TRPM1: variants seen among roughly 807,000 people sequenced by gnomAD.
The protein encoded by TRPM1 is TRPM1-203 APA Isoform, Intron 10.
In TRPM1, 113 loss-of-function variants were observed where a neutral mutation model predicts 149.4. The ratio of observed to expected loss-of-function variants is 0.76; its 90% confidence interval spans 0.65 to 0.88. The LOEUF (loss-of-function observed/expected upper bound fraction) is 0.88, where lower values mean the gene tolerates loss of function less well. Among genes scored for constraint, TRPM1 ranks in the 40% least tolerant of loss-of-function variants. The pLI is 0.00. For synonymous variants in TRPM1, 741 were observed against 759.5 expected, an observed-to-expected ratio of 0.98 and a Z score of 0.40; for missense variants, 1,976 against 2,038.7, an observed-to-expected ratio of 0.97 and a Z score of 0.59.
Position 31,061,475 on chromosome 15 carries a change from T to C in TRPM1, c.1129A>G (p.Ile377Val), listed in dbSNP as rs1301475203. Residue 377 changes from isoleucine to valine, a missense_variant, in exon 10 of 28, where the codon ATC (isoleucine) becomes GTC (valine). Physicochemically the swap from Ile to Val is conservative, Grantham distance 29. Transcript: ENST00000256552. ...FRMGSEGQQD[I>V]EMAILTALLK... ...AGGGCAGTTAAAATTGCCATCTCGA[T>C]GTCCTGCTGGCCCTCAGAACCCATT... The C allele has an allele frequency of 1.2e-6, 2 of 1,614,192 alleles. No homozygotes were observed. The highest frequency in any genetic ancestry group is 1.7e-6 in the Non-Finnish European group (2 of 1,180,040).
intron 27 of TRPM1, among the ~76,000 whole-genome samples, chr15:31,006,223 A>C (rs1188840550): frequency 6.6e-6 from 1 of 151,856 alleles, no homozygotes; most frequent in Non-Finnish European, 1.5e-5. Flanking sequence ...TGTTGCCCAG[A>C]CTAGAGTACA....
At chr15:31,125,260 GTT>G (rs2035932706) in intron 1 of TRPM1, among the ~76,000 whole-genome samples, 1 of 152,192 alleles carries the variant, frequency 6.6e-6, no homozygotes, top group Non-Finnish European at 1.5e-5. Context: ...CTGGGCTTCA[GTT>G]AATAGTAATG....
At chr15:31,018,001 CAGTTGTTAAA>C (rs2032429425) in intron 27 of TRPM1, among the ~76,000 whole-genome samples, 1 of 152,080 alleles carries the variant, frequency 6.6e-6, no homozygotes, top group Admixed American at 6.6e-5. Flanking sequence ...TGTAGTAAGC[CAGTTGTTAAA>C]ACCTGTTTTA....
At chr15:31,070,689 G>A (rs1287988485) in intron 3 of TRPM1, among the ~76,000 whole-genome samples, 1 of 151,842 alleles carries the variant, frequency 6.6e-6, no homozygotes, top group Non-Finnish European at 1.5e-5. Flanking sequence ...CTAGTAACTG[G>A]GACCACAGGC....
chr15:31,130,194 A>C (rs1266677858), intron 1 of TRPM1, among the ~76,000 whole-genome samples: 1 of 152,190 alleles, frequency 6.6e-6, no homozygotes, highest in Non-Finnish European at 1.5e-5. Context: ...CCAGTGTCTT[A>C]CCTGGCATCT....
chr15:31,072,775 A>G (rs1190394643), intron 3 of TRPM1, among the ~76,000 whole-genome samples: 1 of 152,142 alleles, frequency 6.6e-6, no homozygotes, highest in Non-Finnish European at 1.5e-5. Context: ...GAATAAGGAC[A>G]TTGAGCATTT....
At chr15:31,113,247 A>AG (rs1250443532) in intron 1 of TRPM1, among the ~76,000 whole-genome samples, 1 of 152,120 alleles carries the variant, frequency 6.6e-6, no homozygotes, top group African/African-American at 2.4e-5. Flanking sequence ...CAAGAAAGGG[A>AG]GGGCTCCACA....
intron 1 of TRPM1, among the ~76,000 whole-genome samples, chr15:31,150,104 C>G (rs2036280021): frequency 6.6e-6 from 1 of 152,182 alleles, no homozygotes; most frequent in African/African-American, 2.4e-5. Flanking sequence ...GCCCGCAGCC[C>G]TAAGTGTTCT....
At chr15:31,048,102 A>C (rs2033833093) in intron 13 of TRPM1, among the ~76,000 whole-genome samples, 163 bp from the exon 14 acceptor site, 1 of 152,122 alleles carries the variant, frequency 6.6e-6, no homozygotes, top group East Asian at 1.9e-4. Context: ...ATCTCTACTA[A>C]AAATACAAAA....
At chr15:31,152,272 A>T (rs920603409) in intron 1 of TRPM1, among the ~76,000 whole-genome samples, 1 of 152,208 alleles carries the variant, frequency 6.6e-6, no homozygotes, top group East Asian at 1.9e-4. Flanking sequence ...ATGGGCACAG[A>T]TGTGGGACCA....
intron 1 of TRPM1, among the ~76,000 whole-genome samples, chr15:31,089,573 C>T (rs1268517378): frequency 1.3e-5 from 2 of 152,176 alleles, no homozygotes; most frequent in African/African-American, 2.4e-5. Flanking sequence ...TGAGCGGCAC[C>T]GTTTGCTCTG....
chr15:31,067,738 G>C, intron 5 of TRPM1, 141 bp downstream of exon 5: 1 of 828,390 alleles, frequency 1.2e-6, no homozygotes, highest in Non-Finnish European at 2.0e-6. Flanking sequence ...ACAAGCTAGG[G>C]AATAAAGACT....
intron 27 of TRPM1, among the ~76,000 whole-genome samples, chr15:31,024,865 T>C (rs2032667846): frequency 6.6e-6 from 1 of 152,210 alleles, no homozygotes; most frequent in African/African-American, 2.4e-5. Flanking sequence ...CAAAGTTTTA[T>C]TAAAAATTCA....
intron 1 of TRPM1, among the ~76,000 whole-genome samples, chr15:31,128,414 C>T (rs1046710584): frequency 6.6e-6 from 1 of 152,180 alleles, no homozygotes; most frequent in East Asian, 1.9e-4. Flanking sequence ...TCTCTGAGCC[C>T]TGCTCCTGAC....
At chr15:31,146,659 C>T (rs1391955896) in intron 1 of TRPM1, among the ~76,000 whole-genome samples, 1 of 152,132 alleles carries the variant, frequency 6.6e-6, no homozygotes, top group Non-Finnish European at 1.5e-5. Flanking sequence ...TTTAGTCTCC[C>T]GGTCCCTGCA....
rs1596015325 is a variant in TRPM1 at position 31,047,252 on chromosome 15, C to T, written c.1624-1G>A. On this transcript the variant is annotated splice_acceptor_variant, in intron 14 of 27. Transcript: ENST00000256552. LOFTEE classifies it high-confidence loss of function. Reference sequence around the variant, plus strand: ...TGTGGTAATCAGGCGGAAGGTTGCTCTGTAAAAGAAGTCTGGTCTCAGGCC... The same window carrying T: ...TGTGGTAATCAGGCGGAAGGTTGCTTTGTAAAAGAAGTCTGGTCTCAGGCC... 6.2e-7 allele frequency: 1 copy of T among 1,614,182 alleles called. No individual in the cohort carries two copies. Among genetic ancestry groups the T allele is most frequent in the Non-Finnish European group, 8.5e-7 (1 of 1,180,016 alleles).
At chr15:31,054,046 C>T (rs761365786) in intron 11 of TRPM1, among the ~76,000 whole-genome samples, 1 of 152,130 alleles carries the variant, frequency 6.6e-6, no homozygotes, top group Non-Finnish European at 1.5e-5. Flanking sequence ...TTCATGGCAA[C>T]AGAAAGTAGA....
chr15:31,030,931 T>A, intron 23 of TRPM1, 52 bp downstream of exon 23: 1 of 1,603,740 alleles, frequency 6.2e-7, no homozygotes, highest in South Asian at 1.1e-5. Flanking sequence ...TTGGAACTGA[T>A]CATCTGCCTC....
chr15:31,012,782 C>T (rs1036807367), intron 27 of TRPM1, among the ~76,000 whole-genome samples: 10 of 152,010 alleles, frequency 6.6e-5, no homozygotes, highest in Non-Finnish European at 8.8e-5. Flanking sequence ...AGGTTTCAGA[C>T]TGTTCAATTT....
Sources: gnomAD v4.1 joint callset for allele counts (sites outside exome capture counted in the v4.1 genomes callset) on GRCh38, gnomAD v4.1.1 for gene constraint, MANE v1.5 for transcripts, NCBI Gene and HGNC (gene_info 2026-07-23, HGNC 2026-07-21) for gene names.